GALNTL6: variants seen among roughly 807,000 people sequenced by gnomAD.
GALNTL6 encodes polypeptide N-acetylgalactosaminyltransferase like 6.
GALNTL6 carries 46 observed loss-of-function variants against 73.7 expected under a neutral mutation model. The observed-to-expected ratio is 0.62, with a 90% confidence interval of 0.49 to 0.80. The LOEUF (loss-of-function observed/expected upper bound fraction) is 0.80. Ranked by LOEUF, GALNTL6 falls within the 30% of genes least tolerant of loss-of-function variation. The pLI, the probability that GALNTL6 is intolerant of heterozygous loss-of-function variation, is 0.00. For missense variants in GALNTL6, 604 were observed against 755.0 expected, an observed-to-expected ratio of 0.80 and a Z score of 2.34; for synonymous variants, 259 against 263.7, an observed-to-expected ratio of 0.98 and a Z score of 0.17.
At chr4:172,256,171 A>C (rs1408529144) in intron 3 of GALNTL6, among the ~76,000 whole-genome samples, 1 of 151,426 alleles carries the variant, frequency 6.6e-6, no homozygotes, top group Non-Finnish European at 1.5e-5. Flanking sequence ...TTCAAGCCAA[A>C]GGTTTGCCCT....
chr4:171,942,596 T>C (rs1738583686), intron 2 of GALNTL6, among the ~76,000 whole-genome samples: 1 of 152,172 alleles, frequency 6.6e-6, no homozygotes, highest in Non-Finnish European at 1.5e-5. Context: ...TGGTTATAAG[T>C]TAATAAGTGG....
chr4:172,497,410 TA>T (rs1047676072), intron 5 of GALNTL6, among the ~76,000 whole-genome samples: 1 of 152,240 alleles, frequency 6.6e-6, no homozygotes, highest in African/African-American at 2.4e-5. Context: ...ATGATTTTTC[TA>T]AAAATACAGC....
chr4:172,642,520 A>G (rs1740036172), intron 5 of GALNTL6, among the ~76,000 whole-genome samples: 1 of 152,036 alleles, frequency 6.6e-6, no homozygotes, highest in Non-Finnish European at 1.5e-5. Flanking sequence ...GGAATCTTAA[A>G]AAGTCAAATT....
intron 5 of GALNTL6, among the ~76,000 whole-genome samples, chr4:172,382,094 C>G (rs1743304107): frequency 6.6e-6 from 1 of 152,120 alleles, no homozygotes; most frequent in African/African-American, 2.4e-5. Context: ...CTCAGGCTCC[C>G]AAGTAGCTGG....
intron 5 of GALNTL6, among the ~76,000 whole-genome samples, chr4:172,718,624 C>A (rs1164089622): frequency 6.0e-5 from 9 of 151,120 alleles, no homozygotes; most frequent in African/African-American, 2.2e-4. Flanking sequence ...GGTGACAGGG[C>A]AAGACCCCAT....
chr4:172,322,514 A>G (rs1740796396), intron 4 of GALNTL6, among the ~76,000 whole-genome samples: 1 of 152,188 alleles, frequency 6.6e-6, no homozygotes, highest in South Asian at 2.1e-4. Flanking sequence ...TAAAGAAAAA[A>G]GTTTTAATTG....
At chr4:172,748,233 A>G (rs1317838953) in intron 5 of GALNTL6, among the ~76,000 whole-genome samples, 1 of 152,134 alleles carries the variant, frequency 6.6e-6, no homozygotes, top group Non-Finnish European at 1.5e-5. Flanking sequence ...AGCCTCTCCC[A>G]GCAGCTCAGG....
intron 5 of GALNTL6, among the ~76,000 whole-genome samples, chr4:172,580,457 A>C (rs1737139625): frequency 1.3e-5 from 2 of 152,244 alleles, no homozygotes; most frequent in South Asian, 4.1e-4. Flanking sequence ...GACATAACTC[A>C]ATACAACCAA....
chr4:171,922,774 T>C (rs1257567428), intron 2 of GALNTL6, among the ~76,000 whole-genome samples: 1 of 152,138 alleles, frequency 6.6e-6, no homozygotes, highest in Non-Finnish European at 1.5e-5. Flanking sequence ...TTTTCCTGAT[T>C]TGAAATTTAT....
intron 8 of GALNTL6, among the ~76,000 whole-genome samples, chr4:172,921,660 C>T (rs1292859695): frequency 2.6e-5 from 4 of 151,738 alleles, no homozygotes; most frequent in South Asian, 2.1e-4. Context: ...CTGGGTGCGG[C>T]GGTGGGCCTC....
intron 5 of GALNTL6, among the ~76,000 whole-genome samples, chr4:172,385,107 T>G (rs1579021031): frequency 1.3e-5 from 2 of 151,878 alleles, no homozygotes; most frequent in African/African-American, 4.8e-5. Context: ...ATTATTCTTC[T>G]GTTATTGATT....
chr4:171,869,866 C>T (rs1378188524), intron 2 of GALNTL6, among the ~76,000 whole-genome samples: 3 of 152,192 alleles, frequency 2.0e-5, no homozygotes, highest in Non-Finnish European at 4.4e-5. Flanking sequence ...CCATCTTCTG[C>T]CATGATTGTG....
At chr4:172,622,977 C>G (rs1353138006) in intron 5 of GALNTL6, among the ~76,000 whole-genome samples, 1 of 152,106 alleles carries the variant, frequency 6.6e-6, no homozygotes, top group African/African-American at 2.4e-5. Flanking sequence ...AATCCTAGTT[C>G]ACTAAGAGAT....
intron 2 of GALNTL6, among the ~76,000 whole-genome samples, chr4:172,051,276 C>T (rs1188568549): frequency 6.6e-6 from 1 of 152,106 alleles, no homozygotes; most frequent in Non-Finnish European, 1.5e-5. Flanking sequence ...CTATGATTTC[C>T]AAAGCCCAAG....
intron 2 of GALNTL6, among the ~76,000 whole-genome samples, chr4:172,113,938 A>G (rs1235539733): frequency 2.6e-5 from 4 of 152,102 alleles, no homozygotes; most frequent in Non-Finnish European, 5.9e-5. Flanking sequence ...AATCTCTTCA[A>G]TTTTGACAAT....
At chr4:172,360,524 T>G (rs1461135697) in intron 5 of GALNTL6, among the ~76,000 whole-genome samples, 5 of 152,196 alleles carry the variant, frequency 3.3e-5, no homozygotes, top group African/African-American at 1.2e-4. Flanking sequence ...AGATAACTTA[T>G]TCCTCCTAAA....
chr4:172,658,884 A>G (rs939341978), intron 5 of GALNTL6, among the ~76,000 whole-genome samples: 6 of 152,160 alleles, frequency 3.9e-5, no homozygotes, highest in Non-Finnish European at 7.3e-5. Flanking sequence ...GTGACAAGTC[A>G]TTTCAATTCT....
chr4:172,762,126 G>A lies in GALNTL6; in HGVS notation c.554-47235G>A, dbSNP rs143732652. On this transcript the variant is annotated intron_variant, in intron 5 of 12. Coordinates refer to ENST00000506823, the MANE Select transcript of GALNTL6 (RefSeq NM_001034845.3). ...TAATGTATCTAATTTTTAAAAATCT[G>A]CATACCATGTCAAAGGACAAAATTG... Among the ~76,000 whole-genome samples, 265 of 152,264 alleles carry A rather than the reference G, an allele frequency of 1.7e-3. 1 individual carries two copies. Among genetic ancestry groups the A allele is most frequent in the African/African-American group, 5.8e-3 (241 of 41,564 alleles).
chr4:172,445,424 GCGCTTCC>G (rs1731983743), intron 5 of GALNTL6, among the ~76,000 whole-genome samples: 1 of 152,008 alleles, frequency 6.6e-6, no homozygotes, highest in Admixed American at 6.6e-5. Context: ...CTCATGTTTT[GCGCTTCC>G]CAAAAAAGAT....
Sources: gnomAD v4.1 joint callset for allele counts (sites outside exome capture counted in the v4.1 genomes callset) on GRCh38, gnomAD v4.1.1 for gene constraint, MANE v1.5 for transcripts, NCBI Gene and HGNC (gene_info 2026-07-23, HGNC 2026-07-21) for gene names.